The following ATP10A variants were observed in gnomAD, a reference collection of about 807,000 sequenced individuals.
ATP10A encodes the protein ATPase phospholipid transporting 10A (putative).
A neutral mutation model predicts 147.8 loss-of-function variants in ATP10A; 111 were observed. The ratio of observed to expected loss-of-function variants is 0.75; its 90% confidence interval spans 0.64 to 0.88. The LOEUF (loss-of-function observed/expected upper bound fraction) is 0.88, where lower values mean the gene tolerates loss of function less well. ATP10A is among the 40% of genes least tolerant of loss of function. The pLI is 0.00. For missense variants in ATP10A, 1,927 were observed against 1,959.0 expected (o/e 0.98, Z 0.31); for synonymous variants, 875 against 841.6 (o/e 1.04, Z -0.69).
chr15:25,731,753 C>T (rs1029253636), intron 3 of ATP10A, among the ~76,000 whole-genome samples: 8 of 152,192 alleles, frequency 5.3e-5, no homozygotes, highest in African/African-American at 1.9e-4. Flanking sequence ...AGAATGCAGC[C>T]TTAAAGGGCA....
At chr15:25,776,775 C>T (rs1889626359) in intron 2 of ATP10A, among the ~76,000 whole-genome samples, 1 of 152,220 alleles carries the variant, frequency 6.6e-6, no homozygotes, top group Non-Finnish European at 1.5e-5. Context: ...CCCCTCAACA[C>T]TGCGCACTTT....
At chr15:25,716,294 C>G (rs1901801783) in intron 9 of ATP10A, among the ~76,000 whole-genome samples, 1 of 152,212 alleles carries the variant, frequency 6.6e-6, no homozygotes, top group African/African-American at 2.4e-5. Context: ...TGTCCTCTCT[C>G]CTGTGTGGAT....
intron 1 of ATP10A, chr15:25,862,334 C>T (rs1345462071): frequency 1.8e-6 from 1 of 568,660 alleles, no homozygotes. Context: ...CAGGTGGGAG[C>T]GGCTGTGGAT....
intron 1 of ATP10A, among the ~76,000 whole-genome samples, chr15:25,833,193 G>A (rs965229770): frequency 6.6e-6 from 1 of 151,962 alleles, no homozygotes; most frequent in African/African-American, 2.4e-5. Context: ...ATGTTGGCTG[G>A]GCTGGTTTCG....
Position 25,679,317 on chromosome 15 carries a change from T to C in ATP10A, c.*24A>G. ...TAATATTAACATTTATTTATATATA[T>C]TAAAAAAGGCCATTTCAAGGTTTTC... On this transcript the variant is annotated 3_prime_UTR_variant, in exon 21 of 21. Transcript: ENST00000555815. The C allele has an allele frequency of 7.3e-7, 1 of 1,365,878 alleles. No individual in the cohort carries two copies. Among genetic ancestry groups the C allele is most frequent in the Admixed American group, 2.7e-5 (1 of 36,926 alleles). 84.6% of individuals were successfully genotyped at this position (1,365,878 alleles called of 1,614,324 possible).
chr15:25,852,214 C>T (rs1021740779), intron 1 of ATP10A, among the ~76,000 whole-genome samples: 1 of 151,824 alleles, frequency 6.6e-6, no homozygotes, highest in Non-Finnish European at 1.5e-5. Flanking sequence ...TGCCATCCTC[C>T]CTCTATCCTC....
At chr15:25,683,546 C>T in intron 16 of ATP10A, 60 bp from the exon 17 acceptor site, 3 of 1,493,362 alleles carry the variant, frequency 2.0e-6, no homozygotes, top group South Asian at 2.4e-5. Flanking sequence ...TGAGGATTCT[C>T]ATCCGAGGGA....
chr15:25,853,768 C>CCACT (rs1384666235), intron 1 of ATP10A, among the ~76,000 whole-genome samples: 1 of 152,066 alleles, frequency 6.6e-6, no homozygotes, highest in Non-Finnish European at 1.5e-5. Context: ...GCTTCAAAGG[C>CCACT]CACTGAAAGG....
At chr15:25,702,590 C>A (rs1900733372) in intron 12 of ATP10A, among the ~76,000 whole-genome samples, 1 of 152,160 alleles carries the variant, frequency 6.6e-6, no homozygotes, top group South Asian at 2.1e-4. Flanking sequence ...ACTATAGAAA[C>A]AGACTTCACA....
chr15:25,785,708 C>T (rs986319066), intron 1 of ATP10A, among the ~76,000 whole-genome samples: 22 of 152,194 alleles, frequency 1.4e-4, no homozygotes, highest in Admixed American at 3.9e-4. Flanking sequence ...CACTCAACCA[C>T]GCCCTTCTTG....
intron 2 of ATP10A, among the ~76,000 whole-genome samples, chr15:25,751,385 A>T (rs1888149373): frequency 6.6e-6 from 1 of 152,136 alleles, no homozygotes; most frequent in South Asian, 2.1e-4. Flanking sequence ...AAGAACACAG[A>T]AGACTTGAAT....
chr15:25,774,098 C>T (rs188832665), intron 2 of ATP10A, among the ~76,000 whole-genome samples: 132 of 151,908 alleles, frequency 8.7e-4, no homozygotes, highest in Admixed American at 2.2e-3. Context: ...TCACATTGTA[C>T]GCTACCTTGA....
chr15:25,701,812 CCTT>C lies in ATP10A; in HGVS notation c.2760+101_2760+103del, dbSNP rs1900678421. The C allele has an allele frequency of 5.9e-5, 69 of 1,162,596 alleles. No individual in the cohort carries two copies. The East Asian group carries it at 1.6e-3, about 28-fold the overall frequency. 72.0% of individuals were successfully genotyped at this position (1,162,596 alleles called of 1,614,324 possible). ...TAAACCCGAATGCGGAGGGTGAGGT[CCTT>C]CTAACAGCAGCTGCCAGGAATGTGA... On this transcript the variant is annotated intron_variant, in intron 13 of 20. Coordinates refer to ENST00000555815, the MANE Select transcript of ATP10A (RefSeq NM_024490.4).
At chr15:25,717,842 C>A (rs889738397) in intron 8 of ATP10A, among the ~76,000 whole-genome samples, 5 of 152,196 alleles carry the variant, frequency 3.3e-5, no homozygotes, top group Non-Finnish European at 7.3e-5. Context: ...AATTAAAACT[C>A]CCTTGGGAGG....
intron 2 of ATP10A, among the ~76,000 whole-genome samples, chr15:25,761,286 T>C (rs1008999923): frequency 6.6e-6 from 1 of 152,226 alleles, no homozygotes; most frequent in Non-Finnish European, 1.5e-5. Context: ...ACCAATTTAC[T>C]GTATGAGTCT....
chr15:25,816,898 CAA>C lies in ATP10A; in HGVS notation c.450-35677_450-35676del, dbSNP rs1219980160. Among the ~76,000 whole-genome samples the C allele has an allele frequency of 2.0e-5, 3 of 151,432 alleles. No homozygotes were observed. In the East Asian group the frequency reaches 5.8e-4, roughly 29 times the overall value. On this transcript the variant is annotated intron_variant, in intron 1 of 20. Coordinates refer to ENST00000555815, the MANE Select transcript of ATP10A (RefSeq NM_024490.4). ...CTTAAAAATCCAATTGTAAAACAAA[CAA>C]AAAAAATTCTGTTGTATCTTACACT...
chr15:25,676,503 C>A (rs1899138994), downstream of ATP10A, among the ~76,000 whole-genome samples: 1 of 152,198 alleles, frequency 6.6e-6, no homozygotes, highest in South Asian at 2.1e-4. Context: ...CTCTCTAACT[C>A]CTACACCCAC....
chr15:25,830,532 T>C (rs1892310578), intron 1 of ATP10A, among the ~76,000 whole-genome samples: 1 of 152,114 alleles, frequency 6.6e-6, no homozygotes, highest in Non-Finnish European at 1.5e-5. Flanking sequence ...GTTCAAGAAT[T>C]TGGAGATTCC....
chr15:25,794,890 G>A (rs984201135), intron 1 of ATP10A, among the ~76,000 whole-genome samples: 1 of 152,154 alleles, frequency 6.6e-6, no homozygotes, highest in Non-Finnish European at 1.5e-5. Context: ...TCCCTGGAAG[G>A]TGTGCCATTC....
Sources: gnomAD v4.1 joint callset for allele counts (sites outside exome capture counted in the v4.1 genomes callset) on GRCh38, gnomAD v4.1.1 for gene constraint, MANE v1.5 for transcripts, NCBI Gene and HGNC (gene_info 2026-07-23, HGNC 2026-07-21) for gene names.